CA8: variants seen among roughly 807,000 people sequenced by gnomAD.
The protein encoded by CA8 is carbonic anhydrase 8 (inactive), also known as carbonic anhydrase-related protein.
Under a neutral mutation model 41.4 loss-of-function variants are expected in CA8, and 22 were observed. The observed-to-expected ratio is 0.53, with a 90% CI of 0.38 to 0.76. The LOEUF (loss-of-function observed/expected upper bound fraction) is 0.76. Ranked by LOEUF, CA8 falls within the 30% of genes least tolerant of loss-of-function variation. The pLI is 0.00. For missense variants in CA8, 270 were observed against 352.8 expected, an observed-to-expected ratio of 0.77 and a Z score of 1.88; for synonymous variants, 121 against 130.6, an observed-to-expected ratio of 0.93 and a Z score of 0.50.
At chr8:60,264,391 G>A (rs971321073) in intron 3 of CA8, among the ~76,000 whole-genome samples, 1 of 152,236 alleles carries the variant, frequency 6.6e-6, no homozygotes, top group Non-Finnish European at 1.5e-5. Flanking sequence ...GGGCAAAGGC[G>A]CTGACAGTCC....
chr8:60,217,213 G>C (rs745954501), intron 7 of CA8, among the ~76,000 whole-genome samples: 1 of 152,186 alleles, frequency 6.6e-6, no homozygotes, highest in Non-Finnish European at 1.5e-5. Context: ...TAAAAGATCT[G>C]ATCTACTTTT....
chr8:60,260,979 T>C (rs1229285260), intron 3 of CA8, among the ~76,000 whole-genome samples: 3 of 152,070 alleles, frequency 2.0e-5, no homozygotes, highest in Non-Finnish European at 2.9e-5. Context: ...AATAAATCTT[T>C]CTGGGAGGTG....
At chr8:60,252,380 G>A (rs1046641142) in intron 3 of CA8, among the ~76,000 whole-genome samples, 18 of 152,216 alleles carry the variant, frequency 1.2e-4, no homozygotes, top group Non-Finnish European at 2.2e-4. Flanking sequence ...ATATCAATAC[G>A]TTAAGACCAT....
intron 3 of CA8, 152 bp from the exon 4 acceptor site, chr8:60,232,531 T>A (rs769624801): frequency 4.2e-6 from 3 of 706,860 alleles, no homozygotes; most frequent in Non-Finnish European, 7.8e-6. Context: ...TAATACGAGT[T>A]CTCTGTATGA....
chr8:60,207,316 C>T (rs186353186), intron 8 of CA8, among the ~76,000 whole-genome samples: 1 of 152,338 alleles, frequency 6.6e-6, no homozygotes, highest in East Asian at 1.9e-4. Context: ...CCATTAGATC[C>T]ATCAGAACAT....
At chr8:60,199,215 AT>A (rs926665087) in intron 8 of CA8, among the ~76,000 whole-genome samples, 139 of 152,150 alleles carry the variant, frequency 9.1e-4, no homozygotes, top group African/African-American at 3.1e-3. Flanking sequence ...CTCATAAAAG[AT>A]TTTTTTTCCC....
intron 3 of CA8, among the ~76,000 whole-genome samples, chr8:60,234,636 G>A (rs1476058397): frequency 1.3e-5 from 2 of 152,184 alleles, no homozygotes; most frequent in Non-Finnish European, 2.9e-5. Context: ...ATAACAGAAG[G>A]TTGCTATGAC....
At chr8:60,279,568 G>T in intron 2 of CA8, 121 bp downstream of exon 2, 1 of 840,078 alleles carries the variant, frequency 1.2e-6, no homozygotes, top group Admixed American at 2.0e-5. Context: ...TAATACAAAG[G>T]TATCCTGAAA....
At chr8:60,228,978 C>G (rs540419432) in intron 4 of CA8, among the ~76,000 whole-genome samples, 1 of 152,156 alleles carries the variant, frequency 6.6e-6, no homozygotes, top group East Asian at 1.9e-4. Context: ...AATCTCCACA[C>G]CCCAGCTGCT....
chr8:60,252,391 C>T (rs1013202344), intron 3 of CA8, among the ~76,000 whole-genome samples: 1 of 152,218 alleles, frequency 6.6e-6, no homozygotes, highest in East Asian at 1.9e-4. Context: ...TTAAGACCAT[C>T]GGACTTTAAA....
intron 7 of CA8, among the ~76,000 whole-genome samples, chr8:60,218,745 G>A (rs970456512): frequency 3.3e-5 from 5 of 152,120 alleles, no homozygotes; most frequent in East Asian, 1.9e-4. Flanking sequence ...ATGTATCCTC[G>A]AGACAAATTG....
At chr8:60,280,505 C>T (rs1804375452) in intron 1 of CA8, among the ~76,000 whole-genome samples, 1 of 152,146 alleles carries the variant, frequency 6.6e-6, no homozygotes, top group South Asian at 2.1e-4. Context: ...ATCTAGGAAA[C>T]TCGAGTTTTT....
chr8:60,261,565 T>A lies in CA8; in HGVS notation c.417+4360A>T, dbSNP rs77044829. Among the ~76,000 whole-genome samples the A allele has an allele frequency of 2.6e-3, 392 of 152,276 alleles. 4 individuals are homozygous for A. Among genetic ancestry groups the A allele is most frequent in the African/African-American group, 8.6e-3 (359 of 41,562 alleles). On this transcript the variant is annotated intron_variant, in intron 3 of 8. Transcript: ENST00000317995. Reference sequence around the variant, plus strand: ...TGTAGTGATGCAAGAAAAATTTAAATAATATACATTTTTAAAAACCTAAAT... The same window carrying A: ...TGTAGTGATGCAAGAAAAATTTAAAAAATATACATTTTTAAAAACCTAAAT...
At chr8:60,279,973 A>G (rs1168235272) in intron 1 of CA8, 93 bp from the exon 2 acceptor site, 4 of 1,001,688 alleles carry the variant, frequency 4.0e-6, no homozygotes, top group Non-Finnish European at 4.5e-6. Context: ...AACCCTTGAT[A>G]TCATGAAGAG....
intron 3 of CA8, among the ~76,000 whole-genome samples, chr8:60,253,369 C>T (rs1297486745): frequency 6.6e-6 from 1 of 151,902 alleles, no homozygotes; most frequent in African/African-American, 2.4e-5. Flanking sequence ...TTAAGTGTAC[C>T]ACGATTATTC....
chr8:60,209,811 C>T (rs1403037480), intron 7 of CA8, among the ~76,000 whole-genome samples: 2 of 152,150 alleles, frequency 1.3e-5, no homozygotes, highest in African/African-American at 4.8e-5. Flanking sequence ...GGTGGGCTCT[C>T]CAGGTCCCAT....
intron 2 of CA8, among the ~76,000 whole-genome samples, chr8:60,274,085 G>T (rs2130622044): frequency 6.6e-6 from 1 of 152,176 alleles, no homozygotes; most frequent in South Asian, 2.1e-4. Context: ...CTCAGGGAGG[G>T]CTGAGGTTTT....
chr8:60,195,858 G>T (rs1806265883), intron 8 of CA8, among the ~76,000 whole-genome samples: 1 of 152,058 alleles, frequency 6.6e-6, no homozygotes, highest in African/African-American at 2.4e-5. Context: ...GACAGCATCG[G>T]GTCATGAGAG....
intron 7 of CA8, 123 bp downstream of exon 7, chr8:60,222,526 C>G (rs1362271808): frequency 1.4e-6 from 1 of 715,170 alleles, no homozygotes; most frequent in Non-Finnish European, 2.6e-6. Flanking sequence ...AGCCATTTAA[C>G]TTTCATCTGG....
Sources: allele counts gnomAD v4.1 joint callset (sites outside exome capture counted in the v4.1 genomes callset), GRCh38; gene constraint gnomAD v4.1.1; transcripts MANE v1.5; gene names NCBI Gene and HGNC (gene_info 2026-07-23, HGNC 2026-07-21).